RBM34: variants seen among roughly 807,000 people sequenced by gnomAD.
RBM34 encodes RNA-binding protein 34.
A neutral mutation model predicts 44.6 loss-of-function variants in RBM34; 39 were observed. The observed-to-expected ratio is 0.87, with a 90% CI of 0.68 to 1.14. The LOEUF (loss-of-function observed/expected upper bound fraction) is 1.14, where lower values mean the gene tolerates loss of function less well. RBM34 is among the 50% of genes most tolerant of loss of function. The pLI, the probability that RBM34 is intolerant of heterozygous loss-of-function variation, is 0.00. For missense variants in RBM34, 572 were observed against 517.9 expected (o/e 1.10, Z -1.01); for synonymous variants, 194 against 184.0 (o/e 1.05, Z -0.44).
rs768081641 is a variant in RBM34 at position 235,161,198 on chromosome 1, T to C, written c.29A>G (p.Lys10Arg). MALEGMSKR[K>R]RKRSVQEGEN... ...CCCCTCCTGGACACTTCTCTTTCTC[T>C]TCCGTTTGCTCATCCCTTCCAAGGC... The change falls in exon 1 of 11, where the codon AAG (lysine) becomes AGG (arginine). Residue 10 changes from lysine to arginine, a missense_variant. Lys to Arg is a conservative substitution (Grantham distance 26). Transcript: ENST00000408888. The C allele has an allele frequency of 6.2e-7, 1 of 1,610,132 alleles. No individual in the cohort carries two copies. Among genetic ancestry groups the C allele is most frequent in the East Asian group, 2.2e-5 (1 of 44,780 alleles).
At chr1:235,150,915 G>A (rs901100775) in intron 5 of RBM34, among the ~76,000 whole-genome samples, 24 of 152,144 alleles carry the variant, frequency 1.6e-4, no homozygotes, top group South Asian at 4.1e-4. Flanking sequence ...AGCAGGCCCC[G>A]TGAGGGGTGT....
chr1:235,150,942 G>A (rs1662133654), intron 5 of RBM34, among the ~76,000 whole-genome samples: 1 of 152,178 alleles, frequency 6.6e-6, no homozygotes, highest in African/African-American at 2.4e-5. Context: ...GGCGGCTGGG[G>A]GGATGGGGGG....
intron 8 of RBM34, 122 bp from the exon 9 acceptor site, chr1:235,136,195 A>G (rs1661422479): frequency 1.3e-6 from 1 of 768,052 alleles, no homozygotes; most frequent in African/African-American, 1.8e-5. Context: ...TAATTTAACC[A>G]CACATCATGT....
Position 235,135,787 on chromosome 1 carries a change from T to A in RBM34, c.890-17A>T. 1.3e-6 allele frequency: 2 copies of A among 1,598,522 alleles called. No homozygotes were observed. Among genetic ancestry groups the A allele is most frequent in the Non-Finnish European group, 1.7e-6 (2 of 1,165,954 alleles). The stretch of plus-strand genomic sequence containing the variant: ...CTTCAACTTCTGAAAACAAATTCAA[T>A]CAAAATGGAAGTAAAGAGTTGGGAG... On this transcript the variant is annotated splice_polypyrimidine_tract_variant and intron_variant, in intron 9 of 10. Transcript: ENST00000408888.
At chr1:235,152,870 CTTTT>C (rs11351017) in intron 4 of RBM34, 105 bp from the exon 5 acceptor site, 1,194 of 592,298 alleles carry the variant, frequency 2.0e-3, no homozygotes, top group South Asian at 2.7e-3. Context: ...TACTGCCAGG[CTTTT>C]TTTTTTTTTT....
intron 9 of RBM34, 88 bp from the exon 10 acceptor site, chr1:235,135,858 T>A (rs1384920298): frequency 7.6e-7 from 1 of 1,308,012 alleles, no homozygotes; most frequent in East Asian, 2.3e-5. Flanking sequence ...TAGTTAAGCA[T>A]GGTCCCATGA....
intron 6 of RBM34, among the ~76,000 whole-genome samples, 199 bp downstream of exon 6, chr1:235,148,205 C>T (rs993212889): frequency 2.0e-5 from 3 of 152,222 alleles, no homozygotes; most frequent in South Asian, 2.1e-4. Context: ...ATATTTTCTA[C>T]GACTCTGTAA....
chr1:235,142,373 T>G (rs66610489), intron 6 of RBM34, among the ~76,000 whole-genome samples: 24,855 of 151,880 alleles, frequency 0.16, 2,284 homozygotes, highest in African/African-American at 0.23. Flanking sequence ...CTAACTCCCA[T>G]GTTCAAGTGA....
chr1:235,135,044 GGTTT>G (rs982975941), intron 10 of RBM34, among the ~76,000 whole-genome samples: 25 of 147,550 alleles, frequency 1.7e-4, no homozygotes, highest in Non-Finnish European at 3.1e-4. Context: ...ACATCTGGCC[GGTTT>G]GTTTTTTTTT....
intron 6 of RBM34, among the ~76,000 whole-genome samples, chr1:235,143,570 T>C (rs1224728744): frequency 1.3e-5 from 2 of 152,194 alleles, no homozygotes; most frequent in Non-Finnish European, 2.9e-5. Context: ...GCCCCATCTC[T>C]ACTAAAAGTA....
intron 10 of RBM34, among the ~76,000 whole-genome samples, chr1:235,135,450 A>C (rs1172446927): frequency 2.0e-5 from 3 of 151,670 alleles, no homozygotes; most frequent in Non-Finnish European, 2.9e-5. Context: ...GCTGGTCTCA[A>C]ACTCCTGAGC....
rs575479660 is a variant in RBM34 at position 235,131,423 on chromosome 1, G to A, written c.*290C>T. ...CTTGGGAGGCTGAGGCAGGAGAAGCGCTTGAACCCAGAAGGCAGAGGTTGC... is the reference window on the plus strand; with the variant it reads ...CTTGGGAGGCTGAGGCAGGAGAAGCACTTGAACCCAGAAGGCAGAGGTTGC... On this transcript the variant is annotated 3_prime_UTR_variant, in exon 11 of 11. Coordinates refer to ENST00000408888, the MANE Select transcript of RBM34 (RefSeq NM_015014.4). 1.8e-4 allele frequency: 41 copies of A among 228,868 alleles called. No individual in the cohort carries two copies. The highest frequency in any genetic ancestry group is 8.2e-4 in the African/African-American group (36 of 44,056). The allele number at this position is 228,868 out of a possible 1,614,324, so 14.2% of individuals were successfully genotyped here. A position where few individuals can be genotyped will look rare whatever the true frequency, so the allele number is the denominator to read the frequency against.
intron 6 of RBM34, among the ~76,000 whole-genome samples, chr1:235,146,681 C>T (rs1661922616): frequency 6.6e-6 from 1 of 152,086 alleles, no homozygotes; most frequent in East Asian, 1.9e-4. Flanking sequence ...AGTGCAATGG[C>T]GTGATCTGGG....
intron 9 of RBM34, 55 bp downstream of exon 9, chr1:235,135,979 A>G: frequency 2.1e-6 from 3 of 1,420,180 alleles, no homozygotes; most frequent in Non-Finnish European, 2.9e-6. Flanking sequence ...CTCAGTTCTT[A>G]TTTCCTTGTT....
At chr1:235,136,144 T>C (rs1661419187) in intron 8 of RBM34, 71 bp from the exon 9 acceptor site, 2 of 1,289,268 alleles carry the variant, frequency 1.6e-6, no homozygotes, top group African/African-American at 1.5e-5. Flanking sequence ...AAATCCTCCC[T>C]ATCCCTCCTT....
At chr1:235,150,054 C>A (rs1007775502) in intron 5 of RBM34, among the ~76,000 whole-genome samples, 5 of 152,040 alleles carry the variant, frequency 3.3e-5, no homozygotes, top group African/African-American at 1.2e-4. Flanking sequence ...CGTCTACGTC[C>A]CGTTATTTGT....
At position 235,161,004 on chromosome 1, in the gene RBM34, G is replaced by A; in HGVS notation, c.117C>T (p.Ala39=). The A allele has an allele frequency of 1.2e-6, 2 of 1,614,124 alleles. No homozygotes were observed. The highest frequency in any genetic ancestry group is 1.7e-6 in the Non-Finnish European group (2 of 1,180,028). Residue 39 remains alanine (A), a synonymous_variant, in exon 2 of 11, where the codon GCC becomes GCT. Transcript: ENST00000408888. ...PPEDYRLGQV[A]SSLFRGEHHS... ...GGTGTTCGCCGCGAAATAAGCTACT[G>A]GCGACCTGTCCAAGCCTGTAGTCTT...
At chr1:235,157,678 T>A (rs555364409) in intron 3 of RBM34, among the ~76,000 whole-genome samples, 1 of 150,958 alleles carries the variant, frequency 6.6e-6, no homozygotes, top group Non-Finnish European at 1.5e-5. Flanking sequence ...ATTTAAAGAG[T>A]AGTCAGAGGA....
intron 8 of RBM34, among the ~76,000 whole-genome samples, chr1:235,136,478 T>A (rs1661439165): frequency 6.6e-6 from 1 of 152,170 alleles, no homozygotes; most frequent in Non-Finnish European, 1.5e-5. Flanking sequence ...TGTCGCTGTG[T>A]GTCAAAAGAA....
Sources: allele counts gnomAD v4.1 joint callset (sites outside exome capture counted in the v4.1 genomes callset), GRCh38; gene constraint gnomAD v4.1.1; transcripts MANE v1.5; gene names NCBI Gene and HGNC (gene_info 2026-07-23, HGNC 2026-07-21).